The following CACHD1 variants were observed in gnomAD, a reference collection of about 807,000 sequenced individuals.
The protein encoded by CACHD1 is cache domain containing 1, also known as VWFA and cache domain-containing protein 1.
CACHD1 carries 71 observed loss-of-function variants against 138.7 expected under a neutral mutation model. The ratio of observed to expected loss-of-function variants is 0.51; its 90% CI spans 0.42 to 0.62. The LOEUF (loss-of-function observed/expected upper bound fraction) is 0.62. Ranked by LOEUF, CACHD1 falls within the 20% of genes least tolerant of loss-of-function variation. The pLI, the probability that CACHD1 is intolerant of heterozygous loss-of-function variation, is 0.00. For missense variants in CACHD1, 1,389 were observed against 1,625.3 expected, an observed-to-expected ratio of 0.85 and a Z score of 2.50; for synonymous variants, 578 against 591.5, an observed-to-expected ratio of 0.98 and a Z score of 0.33.
chr1:64,523,075 G>A lies in CACHD1; in HGVS notation c.199-27519G>A, dbSNP rs368363797. 7.2e-5 allele frequency among the ~76,000 whole-genome samples: 11 copies of A among 152,350 alleles called. No individual in the cohort carries two copies. The East Asian group carries it at 1.4e-3, about 19-fold the overall frequency. ...CATCTTCCCCAGTAGAGCAGAATTT[G>A]AACCTGACTGGGTATTTGGTGAAAT... On this transcript the variant is annotated intron_variant, in intron 1 of 26. Transcript: ENST00000651257.
chr1:64,472,191 G>A (rs972219396), intron 1 of CACHD1, among the ~76,000 whole-genome samples: 3 of 50,366 alleles, frequency 6.0e-5, no homozygotes, highest in African/African-American at 1.2e-4. Context: ...TTTCTTCTTC[G>A]TCGCGTCGTC....
intron 8 of CACHD1, among the ~76,000 whole-genome samples, chr1:64,643,572 C>CAG (rs1228282005): frequency 6.6e-6 from 1 of 152,176 alleles, no homozygotes; most frequent in Non-Finnish European, 1.5e-5. Flanking sequence ...CTCGGTGGCT[C>CAG]ATGCCTGTAA....
At chr1:64,544,162 A>G (rs1447282641) in intron 1 of CACHD1, among the ~76,000 whole-genome samples, 1 of 152,192 alleles carries the variant, frequency 6.6e-6, no homozygotes, top group African/African-American at 2.4e-5. Flanking sequence ...TGTCAGCCAT[A>G]TGTGCTTGCC....
At chr1:64,671,309 A>G (rs1649808267) in intron 16 of CACHD1, among the ~76,000 whole-genome samples, 1 of 152,080 alleles carries the variant, frequency 6.6e-6, no homozygotes, top group Non-Finnish European at 1.5e-5. Context: ...TCTGAACGTC[A>G]TATTTCACAG....
chr1:64,683,471 C>G (rs749598993), intron 26 of CACHD1, among the ~76,000 whole-genome samples: 39 of 152,174 alleles, frequency 2.6e-4, no homozygotes, highest in South Asian at 2.1e-4. Context: ...AATACTGAAT[C>G]CTTTTTCTCT....
At chr1:64,519,218 G>A (rs1452826469) in intron 1 of CACHD1, among the ~76,000 whole-genome samples, 1 of 152,110 alleles carries the variant, frequency 6.6e-6, no homozygotes, top group African/African-American at 2.4e-5. Context: ...ATAGCTTCTT[G>A]GGCCTGACTG....
chr1:64,520,436 G>A (rs1646490257), intron 1 of CACHD1, among the ~76,000 whole-genome samples: 1 of 152,192 alleles, frequency 6.6e-6, no homozygotes, highest in Non-Finnish European at 1.5e-5. Context: ...TATTTGCAGT[G>A]TGTCTTTCTG....
At chr1:64,586,387 T>C (rs896495958) in intron 3 of CACHD1, among the ~76,000 whole-genome samples, 3 of 152,210 alleles carry the variant, frequency 2.0e-5, no homozygotes, top group African/African-American at 7.2e-5. Flanking sequence ...CACTTTCCTA[T>C]ATTCCAATCC....
intron 7 of CACHD1, among the ~76,000 whole-genome samples, chr1:64,635,843 G>A (rs1486113224): frequency 6.6e-6 from 1 of 151,882 alleles, no homozygotes; most frequent in East Asian, 1.9e-4. Flanking sequence ...TGGGCGCGGT[G>A]GCTCATGCCT....
At chr1:64,626,768 G>A (rs1648114399) in intron 4 of CACHD1, among the ~76,000 whole-genome samples, 1 of 152,184 alleles carries the variant, frequency 6.6e-6, no homozygotes, top group East Asian at 1.9e-4. Flanking sequence ...CTCAGCACTT[G>A]TTCCCAACAC....
chr1:64,637,555 G>C (rs539686476), intron 7 of CACHD1, among the ~76,000 whole-genome samples: 17 of 152,292 alleles, frequency 1.1e-4, no homozygotes, highest in African/African-American at 3.6e-4. Context: ...TGAGCAGGAG[G>C]CTGGTTTGAT....
At chr1:64,566,320 A>C (rs960056263) in intron 2 of CACHD1, among the ~76,000 whole-genome samples, 1 of 152,238 alleles carries the variant, frequency 6.6e-6, no homozygotes. Flanking sequence ...AATTTGCTGC[A>C]TGAATTAATA....
In CACHD1 at chr1:64,593,623, T is replaced by TTA. The variant is rs1298366925; in HGVS notation, c.411-9182_411-9181dup. Among the ~76,000 whole-genome samples, 8 of 152,296 alleles carry TTA rather than the reference T, an allele frequency of 5.3e-5. No homozygotes were observed. In the East Asian group the frequency reaches 1.4e-3, roughly 26 times the overall value. On this transcript the variant is annotated intron_variant, in intron 3 of 26. Transcript: ENST00000651257. Reference sequence around the variant, plus strand: ...CCAATGAAGTGTTGTATGGCAAGTCTTAGTCTTTCAAGTCATTTTCACTGC... The same window carrying TTA: ...CCAATGAAGTGTTGTATGGCAAGTCTTATAGTCTTTCAAGTCATTTTCACTGC...
rs372383547 is a variant in CACHD1, at chr1:64,609,506, A to G, written c.517+6594A>G. Among the ~76,000 whole-genome samples, 13 of 152,344 alleles carry G rather than the reference A, an allele frequency of 8.5e-5. 1 individual carries two copies. Among genetic ancestry groups the G allele is most frequent in the Admixed American group, 4.6e-4 (7 of 15,298 alleles). On this transcript the variant is annotated intron_variant, in intron 4 of 26. Coordinates refer to ENST00000651257, the MANE Select transcript of CACHD1 (RefSeq NM_020925.4). ...TACACAGAATTAAGGAACTAAACAA[A>G]CAAGGTCTCTTTCTTTACCTGCTTC...
At chr1:64,689,996 G>A (rs372921468) in intron 26 of CACHD1, among the ~76,000 whole-genome samples, 23 of 152,290 alleles carry the variant, frequency 1.5e-4, no homozygotes, top group Admixed American at 2.0e-4. Context: ...GAAAGATGAC[G>A]TCTCTTATTC....
chr1:64,483,897 C>T (rs1420103736), intron 1 of CACHD1, among the ~76,000 whole-genome samples: 2 of 139,124 alleles, frequency 1.4e-5, no homozygotes, highest in Non-Finnish European at 3.0e-5. Flanking sequence ...TCTGTTCTTT[C>T]AGCACTCCAA....
intron 1 of CACHD1, among the ~76,000 whole-genome samples, chr1:64,482,557 G>A (rs769558030): frequency 4.6e-5 from 7 of 152,242 alleles, no homozygotes; most frequent in Non-Finnish European, 8.8e-5. Flanking sequence ...GGTTTTGGGG[G>A]AAAACCTGGA....
At chr1:64,690,202 G>T (rs944279399) in intron 26 of CACHD1, among the ~76,000 whole-genome samples, 2 of 152,168 alleles carry the variant, frequency 1.3e-5, no homozygotes, top group African/African-American at 4.8e-5. Context: ...GTAAATATTT[G>T]TTAAGTTGGA....
intron 2 of CACHD1, among the ~76,000 whole-genome samples, chr1:64,571,037 G>A (rs968562200): frequency 6.6e-6 from 1 of 152,040 alleles, no homozygotes; most frequent in Non-Finnish European, 1.5e-5. Context: ...TGAAACTGAA[G>A]CCTAGAAAGG....
Sources: gnomAD v4.1 joint callset for allele counts (sites outside exome capture counted in the v4.1 genomes callset) on GRCh38, gnomAD v4.1.1 for gene constraint, MANE v1.5 for transcripts, NCBI Gene and HGNC (gene_info 2026-07-23, HGNC 2026-07-21) for gene names.